Variants in MACF1 observed in about 807,000 individuals in gnomAD.
MACF1 encodes microtubule actin crosslinking factor 1.
MACF1 carries 193 observed loss-of-function variants against 854.8 expected under a neutral mutation model. The observed-to-expected ratio is 0.23, with a 90% CI of 0.20 to 0.25. The LOEUF (loss-of-function observed/expected upper bound fraction) is 0.25. Among genes scored for constraint, MACF1 ranks in the 10% least tolerant of loss-of-function variants. The pLI, the probability that MACF1 is intolerant of heterozygous loss-of-function variation, is 1.00. For missense variants in MACF1, 7,722 were observed against 8,929.1 expected, an observed-to-expected ratio of 0.86 and a Z score of 5.45; for synonymous variants, 3,185 against 3,226.7, an observed-to-expected ratio of 0.99 and a Z score of 0.44.
At chr1:39,329,491 A>T (rs1210016019) in intron 36 of MACF1, among the ~76,000 whole-genome samples, 1 of 152,234 alleles carries the variant, frequency 6.6e-6, no homozygotes. Flanking sequence ...CTCTTACAGA[A>T]CTTACTCACT....
At chr1:39,305,825 T>G (rs1278129938) in intron 23 of MACF1, among the ~76,000 whole-genome samples, 2 of 152,230 alleles carry the variant, frequency 1.3e-5, no homozygotes, top group Non-Finnish European at 2.9e-5. Flanking sequence ...GACTTCCTGC[T>G]TGCCTCTGAT....
chr1:39,345,716 A>G (rs985616999), intron 40 of MACF1, among the ~76,000 whole-genome samples: 1 of 152,224 alleles, frequency 6.6e-6, no homozygotes, highest in Non-Finnish European at 1.5e-5. Context: ...TGAACCTAAG[A>G]AAGTACAATT....
intron 2 of MACF1, among the ~76,000 whole-genome samples, chr1:39,167,085 C>G (rs2148216030): frequency 6.6e-6 from 1 of 152,082 alleles, no homozygotes; most frequent in African/African-American, 2.4e-5. Context: ...CCTCAGCCTC[C>G]CGAGTAGCTG....
intron 2 of MACF1, among the ~76,000 whole-genome samples, chr1:39,197,382 G>A (rs1644333100): frequency 6.6e-6 from 1 of 151,964 alleles, no homozygotes. Flanking sequence ...AATAAATGTA[G>A]GTTCAGAACA....
intron 2 of MACF1, among the ~76,000 whole-genome samples, chr1:39,247,597 T>G (rs1398977367): frequency 2.0e-5 from 3 of 152,218 alleles, no homozygotes; most frequent in Non-Finnish European, 4.4e-5. Flanking sequence ...TGATATTATA[T>G]TAGTAGCTTG....
chr1:39,185,676 A>G (rs1039530266), intron 2 of MACF1, among the ~76,000 whole-genome samples: 1 of 152,178 alleles, frequency 6.6e-6, no homozygotes, highest in Non-Finnish European at 1.5e-5. Context: ...TTTTTAGACA[A>G]TATTACTAGG....
Position 39,413,833 on chromosome 1 carries a change from G to A in MACF1, c.15817-8541G>A, listed in dbSNP as rs750013803. 6.8e-6 allele frequency: 11 copies of A among 1,606,708 alleles called. No individual in the cohort carries two copies. The Admixed American group carries it at 1.3e-4, about 20-fold the overall frequency. On this transcript the variant is annotated intron_variant, in intron 58 of 100. Transcript: ENST00000564288. ...ATCTGCCTCCTTTGCAGCTGTGGTG[G>A]CCACCCTGGAGGAACCCACTTCCCC...
chr1:39,280,159 A>C (rs529876760), intron 6 of MACF1, among the ~76,000 whole-genome samples: 2 of 152,222 alleles, frequency 1.3e-5, no homozygotes, highest in East Asian at 3.9e-4. Context: ...CGGCCTCCCA[A>C]AATGTTGGGA....
At chr1:39,411,284 A>G (rs754203194) in intron 58 of MACF1, 1 of 1,614,042 alleles carries the variant, frequency 6.2e-7, no homozygotes, top group Non-Finnish European at 8.5e-7. Flanking sequence ...GAGGAAGAGA[A>G]ACTGTCAGAC....
At chr1:39,218,394 C>G (rs1644604626) in intron 1 of MACF1, among the ~76,000 whole-genome samples, 2 of 152,086 alleles carry the variant, frequency 1.3e-5, no homozygotes, top group African/African-American at 4.8e-5. Context: ...AAGGTATGAA[C>G]CATAGACTAG....
chr1:39,423,652 AT>A (rs202096891), intron 60 of MACF1, among the ~76,000 whole-genome samples: 2,674 of 151,012 alleles, frequency 0.018, 72 homozygotes, highest in African/African-American at 0.058. Flanking sequence ...AAAAAAAAAA[AT>A]GTTTATAATA....
At chr1:39,089,569 T>C (rs1272216269) in intron 2 of MACF1, among the ~76,000 whole-genome samples, 2 of 152,172 alleles carry the variant, frequency 1.3e-5, no homozygotes, top group African/African-American at 4.8e-5. Context: ...AGTCCCATCT[T>C]ACCCTTTTTG....
chr1:39,452,488 A>C, intron 86 of MACF1, 138 bp downstream of exon 86: 1 of 1,104,436 alleles, frequency 9.1e-7, no homozygotes, highest in Non-Finnish European at 1.3e-6. Flanking sequence ...ATGTTCTATA[A>C]AATTTTAATA....
rs759666116 is a variant in MACF1, at chr1:39,372,485, C to G, written c.13102C>G (p.Leu4368Val). 31 of 1,605,620 alleles carry G rather than the reference C, an allele frequency of 1.9e-5. No individual in the cohort carries two copies. The South Asian group carries it at 2.5e-4, about 13-fold the overall frequency. Residue 4368 changes from leucine to valine, a missense_variant, in exon 52 of 101, where the codon CTA (leucine) becomes GTA (valine). Physicochemically the swap from Leu to Val is conservative, Grantham distance 32 (BLOSUM62 1). This residue lies in a region of MACF1 where 2,807 missense variants were observed against 3,235.8 expected (regional missense o/e 0.87). Transcript: ENST00000564288. ...CATTTTCTTCTTTAAACAGAGTCTA[C>G]TAGATGACTGGGCAAGTAAGGGAAC... Reference protein sequence around the residue: ...EKQIEHLKSLLDDWASKGTLV... With the variant: ...EKQIEHLKSLVDDWASKGTLV...
At chr1:39,251,810 C>T in intron 3 of MACF1, 36 bp from the exon 4 acceptor site, 1 of 1,181,054 alleles carries the variant, frequency 8.5e-7, no homozygotes. Flanking sequence ...ATTTCTTGTT[C>T]CTCTATTGTG....
intron 2 of MACF1, among the ~76,000 whole-genome samples, chr1:39,131,151 CTTTT>C (rs34762038): frequency 2.4e-5 from 1 of 42,380 alleles, no homozygotes; most frequent in East Asian, 9.9e-4. Flanking sequence ...TGCGCCCGGC[CTTTT>C]TTTTTTTTTT....
At chr1:39,435,838 C>T (rs1404556677) in intron 70 of MACF1, 77 bp downstream of exon 70, 5 of 1,324,686 alleles carry the variant, frequency 3.8e-6, no homozygotes, top group Non-Finnish European at 1.1e-6. Context: ...AGGTATGTCT[C>T]TGTGCTCAGG....
Position 39,084,268 on chromosome 1 carries a change from A to G in MACF1, c.50A>G (p.Glu17Gly), listed in dbSNP as rs1040374713. 4.3e-6 allele frequency: 7 copies of G among 1,613,498 alleles called. No homozygotes were observed. In the African/African-American group the frequency reaches 8.0e-5, roughly 18 times the overall value. The change falls in exon 2 of 94, where the codon GAG becomes GGG. Residue 17 changes from glutamate (E) to glycine (G), a missense_variant. Physicochemically the swap from Glu to Gly is moderately conservative, Grantham distance 98 (BLOSUM62 -2). Coordinates refer to the MACF1 transcript ENST00000361689. This position sits in a 1 kb window ranked among gnomAD's most constrained non-coding sequence, Gnocchi z 5.2. ...CTCAGTGAGCGGTCATGTCGGAGTG[A>G]GCGGTCTTGTCGGAGTGAGCGATCT...
At chr1:39,317,458 T>C (rs1457107940) in intron 29 of MACF1, 51 bp downstream of exon 29, 1 of 1,565,074 alleles carries the variant, frequency 6.4e-7, no homozygotes, top group South Asian at 1.2e-5. Context: ...GGACTAGGTC[T>C]TAAACAAAAA....
Sources: allele counts gnomAD v4.1 joint callset (sites outside exome capture counted in the v4.1 genomes callset), GRCh38; gene constraint gnomAD v4.1.1; regional missense constraint gnomAD v4.1.1; non-coding constraint Gnocchi (gnomAD v3.1); transcripts MANE v1.5; gene names NCBI Gene and HGNC (gene_info 2026-07-23, HGNC 2026-07-21).